RUNX1T1: variants seen among roughly 807,000 people sequenced by gnomAD.
RUNX1T1 encodes RUNX1 partner transcriptional co-repressor 1, also known as protein CBFA2T1.
RUNX1T1 carries 4 observed loss-of-function variants against 62.8 expected under a neutral mutation model. The observed-to-expected ratio is 0.06, with a 90% CI of 0.03 to 0.15. RUNX1T1 has a LOEUF of 0.15. RUNX1T1 is among the 10% of genes least tolerant of loss of function. The pLI is 1.00. For synonymous variants in RUNX1T1, 291 were observed against 286.0 expected, an observed-to-expected ratio of 1.02 and a Z score of -0.18; for missense variants, 508 against 754.3, an observed-to-expected ratio of 0.67 and a Z score of 3.82.
At chr8:91,956,925 A>G (rs922200913), downstream of RUNX1T1, 6 of 209,738 alleles carry the variant, frequency 2.9e-5, no homozygotes, top group African/African-American at 1.4e-4. Context: ...TGCATAAGTA[A>G]ACCAGCCTTG....
Position 92,006,814 on chromosome 8 carries a change from T to C in RUNX1T1, c.478-1517A>G, listed in dbSNP as rs1419902682. 4 of 152,212 alleles carry C rather than the reference T, an allele frequency of 2.6e-5. No homozygotes were observed. The South Asian group carries it at 6.2e-4, about 24-fold the overall frequency. The allele number at this position is 152,212 out of a possible 1,614,324, so 9.4% of individuals were successfully genotyped here. A position where few individuals can be genotyped will look rare whatever the true frequency, so the allele number is the denominator to read the frequency against. ...CATATATGTTAGCTATTTGTCCTAATGCTTTCTCTCCCCTCACCCACCAAC... is the reference window on the plus strand; with the variant it reads ...CATATATGTTAGCTATTTGTCCTAACGCTTTCTCTCCCCTCACCCACCAAC... On this transcript the variant is annotated intron_variant, in intron 4 of 10. Coordinates refer to ENST00000396218, the Ensembl canonical transcript of RUNX1T1.
At chr8:92,063,950 G>A (rs908647880), upstream of RUNX1T1, among the ~76,000 whole-genome samples, 17 of 152,116 alleles carry the variant, frequency 1.1e-4, no homozygotes, top group Non-Finnish European at 1.5e-4. Flanking sequence ...GAGCATTCCC[G>A]TTAACTCTTG....
chr8:92,043,118 G>A (rs1351484355), intron 1 of RUNX1T1, among the ~76,000 whole-genome samples: 2 of 152,196 alleles, frequency 1.3e-5, no homozygotes, highest in African/African-American at 4.8e-5. Context: ...TGTGGAGAAA[G>A]AGGTGTTCTA....
At chr8:92,012,933 A>C (rs555300797) in intron 3 of RUNX1T1, among the ~76,000 whole-genome samples, 1 of 152,180 alleles carries the variant, frequency 6.6e-6, no homozygotes. Flanking sequence ...TTTAAAAAAT[A>C]TATTTTTTAA....
upstream of RUNX1T1, among the ~76,000 whole-genome samples, chr8:92,065,201 G>A (rs1037219244): frequency 6.6e-6 from 1 of 152,086 alleles, no homozygotes; most frequent in Non-Finnish European, 1.5e-5. Context: ...TAAATAAAAG[G>A]AGGATATGGA....
At chr8:92,062,334 A>G (rs1261559649) in intron 1 of RUNX1T1, among the ~76,000 whole-genome samples, 1 of 152,218 alleles carries the variant, frequency 6.6e-6, no homozygotes, top group African/African-American at 2.4e-5. Context: ...AAATTTTAAA[A>G]GCAAGGGCTC....
chr8:91,976,684 A>G (rs928623516), intron 8 of RUNX1T1, among the ~76,000 whole-genome samples: 3 of 152,222 alleles, frequency 2.0e-5, no homozygotes, highest in Non-Finnish European at 4.4e-5. Flanking sequence ...AACAACTAAT[A>G]ACTTTGATAT....
chr8:92,053,877 AT>A (rs1234375200), intron 1 of RUNX1T1, among the ~76,000 whole-genome samples: 5 of 152,216 alleles, frequency 3.3e-5, no homozygotes, highest in African/African-American at 1.2e-4. Context: ...AGATCTGAAC[AT>A]AAATGGCAGC....
chr8:92,060,462 T>A (rs1831738336), intron 1 of RUNX1T1, among the ~76,000 whole-genome samples: 1 of 148,904 alleles, frequency 6.7e-6, no homozygotes, highest in Admixed American at 6.7e-5. Context: ...GCCCTAGATA[T>A]GGCAATTGTT....
chr8:91,993,821 G>T (rs3779763), intron 5 of RUNX1T1, among the ~76,000 whole-genome samples: 25 of 152,064 alleles, frequency 1.6e-4, no homozygotes, highest in African/African-American at 5.3e-4. Flanking sequence ...GTGAAACCTC[G>T]CCTCTACTAA....
chr8:92,066,379 T>C (rs1832878355), upstream of RUNX1T1, among the ~76,000 whole-genome samples: 1 of 152,240 alleles, frequency 6.6e-6, no homozygotes, highest in African/African-American at 2.4e-5. Context: ...AATAATGTTT[T>C]ATGGGCGAGT....
At chr8:91,988,620 C>T (rs1384312089) in intron 6 of RUNX1T1, among the ~76,000 whole-genome samples, 1 of 151,922 alleles carries the variant, frequency 6.6e-6, no homozygotes. Flanking sequence ...TGAATATTTG[C>T]CTTTAAGGAC....
At chr8:92,009,473 G>GAT (rs1421789840) in intron 4 of RUNX1T1, among the ~76,000 whole-genome samples, 3 of 152,090 alleles carry the variant, frequency 2.0e-5, no homozygotes, top group Non-Finnish European at 4.4e-5. Flanking sequence ...CCAACTAAAT[G>GAT]ATATGGTAAC....
At chr8:91,975,629 G>GA (rs1221789306) in intron 9 of RUNX1T1, among the ~76,000 whole-genome samples, 1 of 151,684 alleles carries the variant, frequency 6.6e-6, no homozygotes, top group Non-Finnish European at 1.5e-5. Flanking sequence ...TTATGGCCCT[G>GA]AAAAAAATGG....
At chr8:91,961,969 G>C (rs1288995320) in intron 10 of RUNX1T1, among the ~76,000 whole-genome samples, 1 of 152,200 alleles carries the variant, frequency 6.6e-6, no homozygotes, top group East Asian at 1.9e-4. Context: ...TTTGCTTCCA[G>C]CATGCTGGTT....
In RUNX1T1 at chr8:92,087,465, A is replaced by G. The variant is rs1156620431; in HGVS notation, c.-85-11328T>C. On this transcript the variant is annotated intron_variant, in intron 1 of 11. Transcript: ENST00000265814. The stretch of plus-strand genomic sequence containing the variant: ...TATAACCTACCACAATCCTATTACA[A>G]TAACTTTGCCTTGATGAATCCTACC... Among the ~76,000 whole-genome samples the G allele has an allele frequency of 2.6e-5, 4 of 152,136 alleles. No homozygotes were observed. The South Asian group carries it at 8.3e-4, about 32-fold the overall frequency.
rs1217832643 is a variant in RUNX1T1, at chr8:92,012,105, GT to G, written c.388-1015del. Reference sequence around the variant, plus strand: ...TTATAACAAAGTACACGAGCACCAAGTTCTAAGTTCTTCATACCCCCACACT... The same window carrying G: ...TTATAACAAAGTACACGAGCACCAAGTCTAAGTTCTTCATACCCCCACACT... On this transcript the variant is annotated intron_variant, in intron 3 of 10. Coordinates refer to ENST00000396218, the Ensembl canonical transcript of RUNX1T1. 2.6e-5 allele frequency among the ~76,000 whole-genome samples: 4 copies of G among 152,246 alleles called. No individual in the cohort carries two copies. The East Asian group carries it at 5.8e-4, about 22-fold the overall frequency.
intron 9 of RUNX1T1, among the ~76,000 whole-genome samples, chr8:91,972,960 T>TA (rs1350987177): frequency 7.2e-5 from 11 of 152,060 alleles, no homozygotes; most frequent in African/African-American, 2.7e-4. Flanking sequence ...ACTTTCGCTT[T>TA]AAAAAATACT....
intron 4 of RUNX1T1, among the ~76,000 whole-genome samples, chr8:92,008,384 T>TCACA (rs1321986167): frequency 1.4e-4 from 10 of 72,984 alleles, no homozygotes; most frequent in East Asian, 6.4e-4. Flanking sequence ...TCTCTCTCTC[T>TCACA]CTCTCACACA....
Sources: allele counts gnomAD v4.1 joint callset (sites outside exome capture counted in the v4.1 genomes callset), GRCh38; gene constraint gnomAD v4.1.1; transcripts MANE v1.5; gene names NCBI Gene and HGNC (gene_info 2026-07-23, HGNC 2026-07-21).